COL18A1: variants seen among roughly 807,000 people sequenced by gnomAD.
COL18A1 encodes the protein collagen type XVIII alpha 1 chain, also known as collagen alpha-1(XVIII) chain.
Under a neutral mutation model 168.0 loss-of-function variants are expected in COL18A1, and 133 were observed. The observed-to-expected ratio is 0.79, with a 90% CI of 0.69 to 0.91. COL18A1 has a LOEUF of 0.91. COL18A1 is among the 40% of genes least tolerant of loss of function. COL18A1 has a pLI of 0.00. For missense variants in COL18A1, 2,126 were observed against 1,925.4 expected (o/e 1.10, Z -1.95); for synonymous variants, 949 against 809.0 (o/e 1.17, Z -2.94).
rs116452754 is a variant in COL18A1 at position 45,444,751 on chromosome 21, T to C, written c.107-23491T>C. On this transcript the variant is annotated intron_variant, in intron 2 of 41. Transcript: ENST00000651438. ...CTGGTACTAGGTTTGAAAACCAACA[T>C]TAGCAGCAAAGATGACTCCGTGTCC... is the stretch of plus-strand genomic sequence containing the variant. Among the ~76,000 whole-genome samples the C allele has an allele frequency of 3.9e-3, 592 of 152,222 alleles. 3 individuals carry two copies. The highest frequency in any genetic ancestry group is 0.014 in the African/African-American group (564 of 41,510).
chr21:45,510,946 C>CACAT (rs1555876664), intron 40 of COL18A1, among the ~76,000 whole-genome samples, 165 bp from the exon 41 acceptor site: 894 of 57,392 alleles, frequency 0.016, 27 homozygotes, highest in African/African-American at 0.081. Context: ...AAAACACACA[C>CACAT]CCACAACACC....
At chr21:45,452,429 T>C (rs572643123) in intron 2 of COL18A1, among the ~76,000 whole-genome samples, 1 of 152,180 alleles carries the variant, frequency 6.6e-6, no homozygotes, top group East Asian at 2.0e-4. Context: ...TGTGAGCTTG[T>C]GTATGCATGT....
chr21:45,439,425 T>C (rs1195222921), intron 2 of COL18A1, among the ~76,000 whole-genome samples: 1 of 152,234 alleles, frequency 6.6e-6, no homozygotes, highest in Non-Finnish European at 1.5e-5. Context: ...ACCTTTTACT[T>C]TCTAGGCCTT....
intron 30 of COL18A1, 99 bp from the exon 31 acceptor site, chr21:45,496,951 T>A: frequency 1.2e-6 from 1 of 812,252 alleles, no homozygotes. Flanking sequence ...TGTGGCCTCA[T>A]ACAGGGGCTG....
chr21:45,419,816 G>A (rs2033563211), intron 2 of COL18A1: 2 of 152,230 alleles, frequency 1.3e-5, no homozygotes, highest in Non-Finnish European at 2.9e-5. Flanking sequence ...GGAATAAAAA[G>A]TAAAATGTCC....
chr21:45,456,953 T>A, intron 2 of COL18A1: 1 of 1,228,042 alleles, frequency 8.1e-7, no homozygotes, highest in Non-Finnish European at 1.1e-6. Context: ...GGGGCTGACG[T>A]GAGCCTGGTA....
At chr21:45,460,179 A>C (rs917051489) in intron 2 of COL18A1, among the ~76,000 whole-genome samples, 1 of 152,252 alleles carries the variant, frequency 6.6e-6, no homozygotes, top group South Asian at 2.1e-4. Context: ...GCATCGCAGC[A>C]GATGCAGGAC....
rs73386829 is a variant in COL18A1 at position 45,454,505 on chromosome 21, A to G, written c.107-13737A>G. Among the ~76,000 whole-genome samples, 908 of 152,250 alleles carry G rather than the reference A, an allele frequency of 6.0e-3. 4 individuals carry two copies. The highest frequency in any genetic ancestry group is 0.021 in the African/African-American group (868 of 41,526). ...GAAACCTGGGTGTGTGCGTGTGAGG[A>G]TGCACATGTGTGAACGTGTGTGTGA... is the stretch of plus-strand genomic sequence containing the variant. On this transcript the variant is annotated intron_variant, in intron 2 of 41. Coordinates refer to ENST00000651438, the MANE Select transcript of COL18A1 (RefSeq NM_001379500.1).
In COL18A1 at chr21:45,497,088, GC is replaced by G; in HGVS notation, c.2618del (p.Pro873GlnfsTer36). The G allele has an allele frequency of 1.3e-6, 2 of 1,584,678 alleles. No individual in the cohort carries two copies. Among genetic ancestry groups the G allele is most frequent in the Non-Finnish European group, 1.7e-6 (2 of 1,161,562 alleles). On this transcript the variant is annotated frameshift_variant, in exon 31 of 42. Coordinates refer to ENST00000651438, the MANE Select transcript of COL18A1 (RefSeq NM_001379500.1). LOFTEE classifies it high-confidence loss of function. ...CCAGCCGCCCCGGGCCTCCAGGATT[GC>G]CAGGTGAGGGTCCTGGGCTCACAGC... Reference protein sequence around the residue: ...ESSRPGPPGLPGNQGPPGPKG... With the variant: ...ESSRPGPPGLXGNQGPPGPKG...
At chr21:45,416,960 C>T (rs1013501091) in intron 2 of COL18A1, among the ~76,000 whole-genome samples, 4 of 152,284 alleles carry the variant, frequency 2.6e-5, no homozygotes, top group East Asian at 1.9e-4. Flanking sequence ...TTTCTTGTTC[C>T]GTGAGTTTTC....
chr21:45,494,244 G>GCCCCCCCC, intron 26 of COL18A1: 1 of 447,288 alleles, frequency 2.2e-6, no homozygotes, highest in Non-Finnish European at 4.0e-6. Flanking sequence ...CGTGGCACAT[G>GCCCCCCCC]CCCTCCACCC....
In COL18A1 at chr21:45,438,138, ACACT is replaced by A. The variant is rs774016037; in HGVS notation, c.107-30097_107-30094del. 4.9e-3 allele frequency among the ~76,000 whole-genome samples: 584 copies of A among 118,502 alleles called. 34 individuals are homozygous for A. The highest frequency in any genetic ancestry group is 0.014 in the Middle Eastern group (3 of 208). The allele number at this position is 118,502 out of a possible 152,430, so 77.7% of individuals were successfully genotyped here. ...CACACAGGCACTCTCCTGCACACAC[ACACT>A]CACTCAGACACAGGCACTCTCCTGC... On this transcript the variant is annotated intron_variant, in intron 2 of 41. Coordinates refer to ENST00000651438, the MANE Select transcript of COL18A1 (RefSeq NM_001379500.1).
At chr21:45,435,198 T>C (rs1311587407) in intron 2 of COL18A1, among the ~76,000 whole-genome samples, 1 of 111,132 alleles carries the variant, frequency 9.0e-6, no homozygotes, top group East Asian at 2.8e-4. Flanking sequence ...TCCTGGGAAG[T>C]GGGTAGGGGG....
Position 45,455,416 on chromosome 21 carries a change from C to T in COL18A1, c.107-12826C>T, listed in dbSNP as rs948609261. The stretch of plus-strand genomic sequence containing the variant: ...GCAAGAGTGGGGGGTGGAAGACAGC[C>T]GGCCAGAGGCTGGGAAGCCTGCACA... On this transcript the variant is annotated intron_variant, in intron 2 of 41. Transcript: ENST00000651438. 2.9e-5 allele frequency: 42 copies of T among 1,463,812 alleles called. No homozygotes were observed. The East Asian group carries it at 3.4e-4, about 12-fold the overall frequency. 90.7% of individuals were successfully genotyped at this position (1,463,812 alleles called of 1,614,324 possible).
intron 14 of COL18A1, 132 bp from the exon 15 acceptor site, chr21:45,482,663 A>T: frequency 7.3e-7 from 1 of 1,363,284 alleles, no homozygotes; most frequent in South Asian, 1.2e-5. Flanking sequence ...CAGCCTCAGA[A>T]ACTATTAAAC....
rs752965156 is a variant in COL18A1, at chr21:45,482,024, T to C, written c.1673T>C (p.Leu558Pro). 6.2e-7 allele frequency: 1 copy of C among 1,612,802 alleles called. No homozygotes were observed. Among genetic ancestry groups the C allele is most frequent in the South Asian group, 1.1e-5 (1 of 90,964 alleles). ...GGAAGGACTGGGCAGAAAGGCAGCC[T>C]GGTAAGTCTTCCCTCGAGTCCAGGG... The part of the protein sequence containing the change: ...PPGRTGQKGS[L>P]GEAGAPGHKG... Residue 558 changes from leucine (L) to proline (P), a missense_variant and splice_region_variant, in exon 14 of 42, where the codon CTG becomes CCG. Leu to Pro is a moderately conservative substitution (Grantham distance 98, BLOSUM62 -3). Coordinates refer to ENST00000651438, the MANE Select transcript of COL18A1 (RefSeq NM_001379500.1).
At chr21:45,405,847 C>T (rs1277292016) in intron 2 of COL18A1, among the ~76,000 whole-genome samples, 1 of 151,752 alleles carries the variant, frequency 6.6e-6, no homozygotes, top group Non-Finnish European at 1.5e-5. Flanking sequence ...CGCCGGGTCC[C>T]GGGACTGACC....
In COL18A1 at chr21:45,505,129, C is replaced by A; in HGVS notation, c.2869-5C>A. The A allele has an allele frequency of 6.2e-7, 1 of 1,608,304 alleles. No homozygotes were observed. On this transcript the variant is annotated splice_region_variant and splice_polypyrimidine_tract_variant and intron_variant, in intron 34 of 41. Coordinates refer to ENST00000651438, the MANE Select transcript of COL18A1 (RefSeq NM_001379500.1). ...CCAGGAAGCGTCTCTTGTCGCCGTC[C>A]GTAGGGTCCCAAGGGAGAGAGCATC...
intron 18 of COL18A1, 90 bp downstream of exon 18, chr21:45,488,534 G>A: frequency 9.4e-6 from 15 of 1,588,724 alleles, no homozygotes; most frequent in Non-Finnish European, 1.2e-5. Context: ...CCTTGCCTCG[G>A]GTTTTCTGAT....
Sources: gnomAD v4.1 joint callset for allele counts (sites outside exome capture counted in the v4.1 genomes callset) on GRCh38, gnomAD v4.1.1 for gene constraint, MANE v1.5 for transcripts, NCBI Gene and HGNC (gene_info 2026-07-23, HGNC 2026-07-21) for gene names.